CDC42EP4: variants seen among roughly 807,000 people sequenced by gnomAD.
CDC42EP4 encodes the protein CDC42 effector protein 4.
A neutral mutation model predicts 5.6 loss-of-function variants in CDC42EP4; 6 were observed. That is an observed-to-expected ratio of 1.07 (90% confidence interval 0.59 to 2.12). The LOEUF is 2.12. Among genes scored for constraint, CDC42EP4 ranks in the 30% most tolerant of loss-of-function variants. CDC42EP4 has a pLI of 0.00. For synonymous variants in CDC42EP4, 230 were observed against 224.2 expected, an observed-to-expected ratio of 1.03 and a Z score of -0.23; for missense variants, 490 against 508.6, an observed-to-expected ratio of 0.96 and a Z score of 0.35.
In CDC42EP4 at chr17:73,284,102, C is replaced by T. The variant is rs1568338539; in HGVS notation, c.*1328G>A. 1 of 152,236 alleles carries T rather than the reference C, an allele frequency of 6.6e-6. No homozygotes were observed. The highest frequency in any genetic ancestry group is 2.1e-4 in the South Asian group (1 of 4,834). The allele number at this position is 152,236 out of a possible 1,614,324, so 9.4% of individuals were successfully genotyped here. ...TTTCAGAAAAACAAATCATTTTTCACATAAGTGTTCCAAATATTGCGTGGG... is the reference window on the plus strand; with the variant it reads ...TTTCAGAAAAACAAATCATTTTTCATATAAGTGTTCCAAATATTGCGTGGG... On this transcript the variant is annotated 3_prime_UTR_variant, in exon 2 of 2. Coordinates refer to ENST00000335793, the MANE Select transcript of CDC42EP4 (RefSeq NM_012121.5).
chr17:73,290,849 C>A (rs766186169), intron 1 of CDC42EP4, among the ~76,000 whole-genome samples: 6 of 152,150 alleles, frequency 3.9e-5, no homozygotes, highest in African/African-American at 1.4e-4. Flanking sequence ...CGATCTTATA[C>A]GCTCATTAGA....
intron 1 of CDC42EP4, among the ~76,000 whole-genome samples, chr17:73,299,748 G>C (rs1355647170): frequency 1.3e-5 from 2 of 152,168 alleles, no homozygotes; most frequent in African/African-American, 2.4e-5. Flanking sequence ...GGTGGGGTAG[G>C]AAGGGTCTGG....
chr17:73,310,075 T>C (rs1055895307), intron 1 of CDC42EP4: 10 of 152,178 alleles, frequency 6.6e-5, no homozygotes, highest in African/African-American at 2.4e-4. Flanking sequence ...GCCCTGTTAT[T>C]GCCCCAGGAG....
rs898029449 is a variant in CDC42EP4, at chr17:73,286,622, G to A, written c.-112-10C>T. 5.8e-6 allele frequency: 4 copies of A among 693,790 alleles called. No homozygotes were observed. The highest frequency in any genetic ancestry group is 9.5e-6 in the Non-Finnish European group (4 of 422,366). The allele number at this position is 693,790 out of a possible 1,614,324, so 43.0% of individuals were successfully genotyped here. The stretch of plus-strand genomic sequence containing the variant: ...TGAGGAGATCATAAGGCTGCAAGCA[G>A]AGAATGAGAGGCAAAGGATTAACGC... On this transcript the variant is annotated splice_polypyrimidine_tract_variant and intron_variant, in intron 1 of 1. Coordinates refer to ENST00000335793, the MANE Select transcript of CDC42EP4 (RefSeq NM_012121.5). The surrounding 1 kb of genome is among the most constrained non-coding windows in gnomAD (Gnocchi z 7.7).
At chr17:73,287,282 A>T (rs1219600103) in intron 1 of CDC42EP4, among the ~76,000 whole-genome samples, 1 of 152,076 alleles carries the variant, frequency 6.6e-6, no homozygotes, top group African/African-American at 2.4e-5. Flanking sequence ...TATCCCATAA[A>T]TGAGGATCCC....
chr17:73,289,865 A>C (rs551463418), intron 1 of CDC42EP4, among the ~76,000 whole-genome samples: 7 of 152,138 alleles, frequency 4.6e-5, no homozygotes, highest in African/African-American at 1.7e-4. Context: ...GAAAGGAAGA[A>C]AGGAAAAGAA....
chr17:73,308,833 G>A (rs1399568084), intron 1 of CDC42EP4, among the ~76,000 whole-genome samples: 2 of 151,346 alleles, frequency 1.3e-5, no homozygotes, highest in African/African-American at 4.9e-5. Flanking sequence ...TCAGGAGTTC[G>A]CGACCGGCCT....
intron 1 of CDC42EP4, among the ~76,000 whole-genome samples, chr17:73,292,333 T>C (rs560959770): frequency 6.6e-6 from 1 of 152,362 alleles, no homozygotes; most frequent in African/African-American, 2.4e-5. Context: ...TGACTTTAGT[T>C]GTGACCTGGA....
Position 73,285,807 on chromosome 17 carries a change from G to T in CDC42EP4, c.694C>A (p.Pro232Thr). 6.2e-7 allele frequency: 1 copy of T among 1,605,918 alleles called. No homozygotes were observed. Among genetic ancestry groups the T allele is most frequent in the South Asian group, 1.1e-5 (1 of 90,996 alleles). Residue 232 changes from proline (P) to threonine (T), a missense_variant, in exon 2 of 2, where the codon CCC becomes ACC. Pro to Thr is a conservative substitution (Grantham distance 38, BLOSUM62 -1). Coordinates refer to ENST00000335793, the MANE Select transcript of CDC42EP4 (RefSeq NM_012121.5). This position sits in a 1 kb window ranked among gnomAD's most constrained non-coding sequence, Gnocchi z 6.8. Reference sequence around the variant, plus strand: ...TGGTAACCACCCTCCCCCTCCTCGGGGTCCCACTCCTCCTTGTCCATGATG... The same window carrying T: ...TGGTAACCACCCTCCCCCTCCTCGGTGTCCCACTCCTCCTTGTCCATGATG... ...LSIMDKEEWD[P>T]EEGEGGYHGD...
At position 73,285,348 on chromosome 17, in the gene CDC42EP4, G is replaced by A. The variant is rs997038607; in HGVS notation, c.*82C>T. Reference sequence around the variant, plus strand: ...AATCAAGGGTCCTGGCTGCCCCTGCGCCGTAGGGTCAAAGGTCATAGTGGG... The same window carrying A: ...AATCAAGGGTCCTGGCTGCCCCTGCACCGTAGGGTCAAAGGTCATAGTGGG... On this transcript the variant is annotated 3_prime_UTR_variant, in exon 2 of 2. Coordinates refer to ENST00000335793, the MANE Select transcript of CDC42EP4 (RefSeq NM_012121.5). This position sits in a 1 kb window ranked among gnomAD's most constrained non-coding sequence, Gnocchi z 6.8. The A allele has an allele frequency of 6.9e-6, 8 of 1,151,538 alleles. No individual in the cohort carries two copies. The highest frequency in any genetic ancestry group is 2.3e-5 in the Admixed American group (1 of 44,212). The allele number at this position is 1,151,538 out of a possible 1,614,324, so 71.3% of individuals were successfully genotyped here.
intron 1 of CDC42EP4, among the ~76,000 whole-genome samples, chr17:73,297,001 A>AAAAAAAAAAAAAAAAAAAAAACCAC (rs547362762): frequency 1.6e-5 from 1 of 61,734 alleles, no homozygotes; most frequent in Non-Finnish European, 3.3e-5. Context: ...AAAAAAAAAA[A>AAAAAAAAAAAAAAAAAAAAAACCAC]AAATACACAA....
rs569400426 is a variant in CDC42EP4 at position 73,284,123 on chromosome 17, G to A, written c.*1307C>T. 5.3e-5 allele frequency: 8 copies of A among 152,306 alleles called. No individual in the cohort carries two copies. Among genetic ancestry groups the A allele is most frequent in the African/African-American group, 1.7e-4 (7 of 41,558 alleles). The allele number at this position is 152,306 out of a possible 1,614,324, so 9.4% of individuals were successfully genotyped here. A position where few individuals can be genotyped will look rare whatever the true frequency, so the allele number is the denominator to read the frequency against. ...TTCACATAAGTGTTCCAAATATTGC[G>A]TGGGGCATATTAATGCTAGAAAATT... On this transcript the variant is annotated 3_prime_UTR_variant, in exon 2 of 2. Transcript: ENST00000335793.
chr17:73,287,376 ACTTCCAGTTT>A (rs773011335), intron 1 of CDC42EP4, among the ~76,000 whole-genome samples: 1 of 152,136 alleles, frequency 6.6e-6, no homozygotes, highest in Non-Finnish European at 1.5e-5. Context: ...AGATTGGGCA[ACTTCCAGTTT>A]CTTTCATCAT....
At chr17:73,292,986 G>A (rs1568341953) in intron 1 of CDC42EP4, among the ~76,000 whole-genome samples, 1 of 152,250 alleles carries the variant, frequency 6.6e-6, no homozygotes, top group East Asian at 1.9e-4. Flanking sequence ...CCAAAGTGCT[G>A]GGATTACAGG....
chr17:73,289,187 A>G (rs897637210), intron 1 of CDC42EP4, among the ~76,000 whole-genome samples: 4 of 152,082 alleles, frequency 2.6e-5, no homozygotes, highest in African/African-American at 9.7e-5. Flanking sequence ...CAGCTACTCA[A>G]CTGTCTTCTT....
At chr17:73,301,279 C>T (rs2062218101) in intron 1 of CDC42EP4, among the ~76,000 whole-genome samples, 1 of 152,138 alleles carries the variant, frequency 6.6e-6, no homozygotes, top group Non-Finnish European at 1.5e-5. Context: ...TTATGTATGG[C>T]ACTTGCCTAA....
chr17:73,294,593 C>CA (rs1459755009), intron 1 of CDC42EP4, among the ~76,000 whole-genome samples: 2 of 152,078 alleles, frequency 1.3e-5, no homozygotes, highest in African/African-American at 2.4e-5. Context: ...AATGTACTAT[C>CA]AAAAGTAGGG....
intron 1 of CDC42EP4, among the ~76,000 whole-genome samples, chr17:73,310,584 G>A (rs2062268183): frequency 6.6e-6 from 1 of 152,032 alleles, no homozygotes; most frequent in South Asian, 2.1e-4. Flanking sequence ...TGGGAGTCGT[G>A]GAGAGAGAGA....
chr17:73,289,715 C>CAGGAAGGG (rs1286046230), intron 1 of CDC42EP4, among the ~76,000 whole-genome samples: 2 of 53,988 alleles, frequency 3.7e-5, no homozygotes, highest in Admixed American at 2.8e-4. Flanking sequence ...CTGAAGAAAA[C>CAGGAAGGG]AGGAAGGGAG....
Sources: gnomAD v4.1 joint callset for allele counts (sites outside exome capture counted in the v4.1 genomes callset) on GRCh38, gnomAD v4.1.1 for gene constraint, Gnocchi (gnomAD v3.1) non-coding constraint, MANE v1.5 for transcripts, NCBI Gene and HGNC (gene_info 2026-07-23, HGNC 2026-07-21) for gene names.